TSHR: variants seen among roughly 807,000 people sequenced by gnomAD.
TSHR encodes thyrotropin receptor.
A neutral mutation model predicts 64.1 loss-of-function variants in TSHR; 51 were observed. The observed-to-expected ratio is 0.80, with a 90% CI of 0.64 to 1.01. The LOEUF is 1.01. Ranked by LOEUF, TSHR falls within the 50% of genes least tolerant of loss-of-function variation. The pLI is 0.00. For synonymous variants in TSHR, 361 were observed against 361.9 expected (o/e 1.00, Z 0.03); for missense variants, 877 against 942.8 (o/e 0.93, Z 0.91).
At chr14:80,991,847 T>A (rs1266736800) in intron 1 of TSHR, 5 of 349,716 alleles carry the variant, frequency 1.4e-5, no homozygotes, top group Non-Finnish European at 2.5e-5. Context: ...GCTAAAGTGA[T>A]TCGGTCATAC....
chr14:81,102,257 C>T (rs113524864), intron 7 of TSHR, among the ~76,000 whole-genome samples: 7,444 of 151,772 alleles, frequency 0.049, 395 homozygotes, highest in African/African-American at 0.14. Context: ...ACTCTCCGTA[C>T]GTTCACACCA....
chr14:81,082,306 A>C (rs2139949706), intron 3 of TSHR, among the ~76,000 whole-genome samples: 1 of 152,370 alleles, frequency 6.6e-6, no homozygotes, highest in South Asian at 2.1e-4. Context: ...GAGATAAACC[A>C]GTGCAAGGCT....
intron 8 of TSHR, among the ~76,000 whole-genome samples, chr14:81,113,075 C>T (rs1890298621): frequency 6.6e-6 from 1 of 152,064 alleles, no homozygotes; most frequent in African/African-American, 2.4e-5. Flanking sequence ...CAGGAACATG[C>T]CGGCTGTTGT....
At chr14:80,992,896 T>G (rs910743939) in intron 1 of TSHR, 4 of 152,192 alleles carry the variant, frequency 2.6e-5, no homozygotes, top group Non-Finnish European at 4.4e-5. Context: ...TAGCATAGAA[T>G]CATGGGAAAT....
chr14:81,070,470 C>A (rs151193382), intron 3 of TSHR, among the ~76,000 whole-genome samples: 1 of 151,060 alleles, frequency 6.6e-6, no homozygotes, highest in African/African-American at 2.4e-5. Flanking sequence ...CTACTAAAAA[C>A]ACAAAAATTT....
intron 1 of TSHR, chr14:81,033,285 G>A: frequency 2.2e-6 from 1 of 461,118 alleles, no homozygotes; most frequent in Non-Finnish European, 4.3e-6. Context: ...ACATCGAAAA[G>A]CATAATTTGT....
At chr14:81,001,920 T>C (rs17111365) in intron 1 of TSHR, 62,702 of 186,166 alleles carry the variant, frequency 0.34, 12,062 homozygotes, top group South Asian at 0.42. Context: ...TTCACCGTCA[T>C]TCATTTTTCT....
chr14:81,062,890 T>C (rs1886343076), intron 2 of TSHR, among the ~76,000 whole-genome samples: 1 of 152,132 alleles, frequency 6.6e-6, no homozygotes, highest in Admixed American at 6.6e-5. Flanking sequence ...TGGCCAAATG[T>C]ACTCACTCCG....
intron 1 of TSHR, among the ~76,000 whole-genome samples, chr14:81,023,364 G>C (rs1883874978): frequency 2.0e-5 from 3 of 152,086 alleles, no homozygotes; most frequent in African/African-American, 7.2e-5. Context: ...CAGCACATGG[G>C]AATTCAAGAT....
intron 8 of TSHR, among the ~76,000 whole-genome samples, chr14:81,128,125 A>G (rs1170240694): frequency 2.6e-5 from 4 of 152,230 alleles, no homozygotes; most frequent in African/African-American, 9.7e-5. Flanking sequence ...TTATTTGTAC[A>G]CATAGACTTT....
At chr14:81,083,808 A>C (rs1281172868) in intron 3 of TSHR, among the ~76,000 whole-genome samples, 1 of 152,208 alleles carries the variant, frequency 6.6e-6, no homozygotes, top group African/African-American at 2.4e-5. Context: ...ACGGTTCTGC[A>C]TGGCTGGGGA....
intron 1 of TSHR, among the ~76,000 whole-genome samples, chr14:81,025,758 T>C (rs1884018482): frequency 6.6e-6 from 1 of 152,182 alleles, no homozygotes; most frequent in Non-Finnish European, 1.5e-5. Context: ...AACTGCTTTC[T>C]GGAAAAAAGC....
At chr14:81,038,552 AT>A (rs1402703029) in intron 1 of TSHR, among the ~76,000 whole-genome samples, 3 of 151,352 alleles carry the variant, frequency 2.0e-5, no homozygotes, top group African/African-American at 7.2e-5. Context: ...ACAAAGAATT[AT>A]TTTTTAAAAA....
rs551052228 is a variant in TSHR at position 81,137,342 on chromosome 14, A to G, written c.693-2337A>G. On this transcript the variant is annotated intron_variant, in intron 8 of 9. Transcript: ENST00000298171. ...ACTTAGAACATTAGGGCAGTTTTAA[A>G]AGAAGGCACCGAATTCTTTGACACT... is the stretch of plus-strand genomic sequence containing the variant. Among the ~76,000 whole-genome samples, 107 of 152,302 alleles carry G rather than the reference A, an allele frequency of 7.0e-4. 1 individual carries two copies. Among genetic ancestry groups the G allele is most frequent in the African/African-American group, 2.4e-3 (101 of 41,572 alleles).
In TSHR at chr14:81,145,520, A is replaced by C. The variant is rs1228580539; in HGVS notation, c.*1167A>C. ...ACCCAGCTGTTATATCAGGCCAAAA[A>C]CAGATTCGTGTTTATATAAAAGAGT... On this transcript the variant is annotated 3_prime_UTR_variant, in exon 10 of 10. Transcript: ENST00000298171. 2 of 232,964 alleles carry C rather than the reference A, an allele frequency of 8.6e-6. No individual in the cohort carries two copies. Among genetic ancestry groups the C allele is most frequent in the Non-Finnish European group, 1.7e-5 (2 of 117,992 alleles). The allele number at this position is 232,964 out of a possible 1,614,324, so 14.4% of individuals were successfully genotyped here.
chr14:80,958,863 G>A (rs1886861616), intron 1 of TSHR, among the ~76,000 whole-genome samples: 1 of 152,036 alleles, frequency 6.6e-6, no homozygotes, highest in South Asian at 2.1e-4. Flanking sequence ...TAAAGTTTTT[G>A]AAGAGCTTAC....
intron 3 of TSHR, among the ~76,000 whole-genome samples, chr14:81,084,340 T>G (rs1888126700): frequency 6.6e-6 from 1 of 151,642 alleles, no homozygotes; most frequent in East Asian, 1.9e-4. Context: ...TGAGATTTTT[T>G]GCATCCTCTT....
In TSHR at chr14:81,138,578, C is replaced by T. The variant is rs57091591; in HGVS notation, c.693-1101C>T. On this transcript the variant is annotated intron_variant, in intron 8 of 9. Coordinates refer to ENST00000298171, the MANE Select transcript of TSHR (RefSeq NM_000369.5). ...TAAATACAAAACAAAATAGCAACTG[C>T]ACCAACCCTTTCCTCACAAGAGTAA... Among the ~76,000 whole-genome samples, 1,277 of 152,186 alleles carry T rather than the reference C, an allele frequency of 8.4e-3. 27 individuals carry two copies. Among genetic ancestry groups the T allele is most frequent in the African/African-American group, 0.03 (1,238 of 41,512 alleles).
At chr14:81,045,308 G>A (rs1885122982) in intron 1 of TSHR, among the ~76,000 whole-genome samples, 2 of 152,266 alleles carry the variant, frequency 1.3e-5, no homozygotes, top group East Asian at 3.9e-4. Context: ...GAAACACTTT[G>A]GGAAGATTGG....
Sources: gnomAD v4.1 joint callset for allele counts (sites outside exome capture counted in the v4.1 genomes callset) on GRCh38, gnomAD v4.1.1 for gene constraint, MANE v1.5 for transcripts, NCBI Gene and HGNC (gene_info 2026-07-23, HGNC 2026-07-21) for gene names.